Variants in THEMIS observed in about 807,000 individuals in gnomAD.
The protein encoded by THEMIS is protein THEMIS.
In THEMIS, 37 loss-of-function variants were observed where a neutral mutation model predicts 52.6. That is an observed-to-expected ratio of 0.70 (90% CI 0.54 to 0.93). The LOEUF is 0.93. THEMIS is among the 40% of genes least tolerant of loss of function. The pLI, the probability that THEMIS is intolerant of heterozygous loss-of-function variation, is 0.00. For synonymous variants in THEMIS, 292 were observed against 272.7 expected (o/e 1.07, Z -0.70); for missense variants, 808 against 763.1 (o/e 1.06, Z -0.69).
chr6:127,730,384 AAG>A (rs1301055303), intron 4 of THEMIS, among the ~76,000 whole-genome samples: 1 of 149,850 alleles, frequency 6.7e-6, no homozygotes, highest in Non-Finnish European at 1.5e-5. Flanking sequence ...GAGAAAGAGA[AAG>A]AAAGAAAAGG....
intron 4 of THEMIS, among the ~76,000 whole-genome samples, chr6:127,771,804 C>A (rs1286513746): frequency 6.6e-6 from 1 of 152,062 alleles, no homozygotes; most frequent in African/African-American, 2.4e-5. Flanking sequence ...TCCATAATTA[C>A]AAAGTTATTA....
chr6:127,712,917 G>A (rs913527603), intron 5 of THEMIS, among the ~76,000 whole-genome samples: 4 of 151,854 alleles, frequency 2.6e-5, no homozygotes, highest in Non-Finnish European at 5.9e-5. Flanking sequence ...ATGTCTAAAA[G>A]TAATTTACAT....
chr6:127,868,463 T>C, intron 1 of THEMIS: 1 of 985,378 alleles, frequency 1.0e-6, no homozygotes, highest in East Asian at 1.1e-4. Flanking sequence ...ACCTTCAAGA[T>C]CAGCATTTCC....
At chr6:127,909,652 T>C (rs747444093) in intron 1 of THEMIS, among the ~76,000 whole-genome samples, 7 of 152,082 alleles carry the variant, frequency 4.6e-5, no homozygotes, top group Non-Finnish European at 1.0e-4. Flanking sequence ...CAAAGCTTTG[T>C]AATATTAACA....
chr6:127,812,284 T>A (rs1338649697), intron 4 of THEMIS, among the ~76,000 whole-genome samples: 1 of 152,228 alleles, frequency 6.6e-6, no homozygotes, highest in Non-Finnish European at 1.5e-5. Flanking sequence ...AATGATTTCA[T>A]ACTGTCTCCA....
intron 4 of THEMIS, among the ~76,000 whole-genome samples, chr6:127,755,616 T>C (rs1245096520): frequency 6.6e-6 from 1 of 152,316 alleles, no homozygotes; most frequent in East Asian, 1.9e-4. Flanking sequence ...TCATTCTCCA[T>C]ACTTTAGCAA....
chr6:127,729,291 T>C (rs547698945), intron 4 of THEMIS, among the ~76,000 whole-genome samples: 1 of 152,172 alleles, frequency 6.6e-6, no homozygotes, highest in East Asian at 1.9e-4. Flanking sequence ...CATACATTCA[T>C]GTTACCTGGT....
intron 5 of THEMIS, among the ~76,000 whole-genome samples, chr6:127,714,389 C>T (rs1238608271): frequency 1.3e-5 from 2 of 151,756 alleles, no homozygotes; most frequent in Non-Finnish European, 2.9e-5. Context: ...AAAATTTTTA[C>T]ATGTCAAAAA....
At chr6:127,814,321 T>C (rs1562275878) in intron 3 of THEMIS, among the ~76,000 whole-genome samples, 1 of 152,210 alleles carries the variant, frequency 6.6e-6, no homozygotes, top group African/African-American at 2.4e-5. Context: ...TGAATATGTA[T>C]GTAAATGTGT....
chr6:127,796,000 A>T (rs1470695482), intron 4 of THEMIS, among the ~76,000 whole-genome samples: 1 of 152,350 alleles, frequency 6.6e-6, no homozygotes, highest in African/African-American at 2.4e-5. Flanking sequence ...AAATAGTTTG[A>T]TCCTCACTCC....
At chr6:127,893,384 T>C (rs1391881709) in intron 1 of THEMIS, among the ~76,000 whole-genome samples, 1 of 152,164 alleles carries the variant, frequency 6.6e-6, no homozygotes, top group Non-Finnish European at 1.5e-5. Flanking sequence ...CTAAATTCTT[T>C]ATATGCCATA....
At chr6:127,862,738 G>T (rs1221898366) in intron 1 of THEMIS, among the ~76,000 whole-genome samples, 1 of 151,654 alleles carries the variant, frequency 6.6e-6, no homozygotes, top group Non-Finnish European at 1.5e-5. Flanking sequence ...TGAATTCTAT[G>T]CATTCTACCT....
chr6:127,707,272 G>A (rs1179085780), downstream of THEMIS, among the ~76,000 whole-genome samples: 2 of 152,056 alleles, frequency 1.3e-5, no homozygotes, highest in African/African-American at 4.8e-5. Context: ...CATATCAAAT[G>A]GGAAGGTCAG....
intron 1 of THEMIS, among the ~76,000 whole-genome samples, chr6:127,910,933 A>T (rs1160914645): frequency 7.2e-5 from 11 of 152,076 alleles, no homozygotes; most frequent in African/African-American, 2.4e-4. Context: ...GTAGTTTCTC[A>T]GACATTCCTT....
chr6:127,862,706 C>T (rs1419745147), intron 1 of THEMIS, among the ~76,000 whole-genome samples: 1 of 151,908 alleles, frequency 6.6e-6, no homozygotes, highest in East Asian at 1.9e-4. Flanking sequence ...AGGTGTCAGC[C>T]ACCCCACCCA....
At chr6:127,855,544 C>CA (rs1779591402) in intron 1 of THEMIS, among the ~76,000 whole-genome samples, 1 of 151,760 alleles carries the variant, frequency 6.6e-6, no homozygotes, top group African/African-American at 2.4e-5. Context: ...TCATATGACT[C>CA]AAAAATGATC....
intron 1 of THEMIS, among the ~76,000 whole-genome samples, chr6:127,916,063 T>G (rs1303586358): frequency 1.3e-5 from 2 of 152,130 alleles, no homozygotes; most frequent in Non-Finnish European, 2.9e-5. Flanking sequence ...ACTTTCTATT[T>G]TTTGGGCAAT....
At chr6:127,914,047 G>A (rs1293801452) in intron 1 of THEMIS, among the ~76,000 whole-genome samples, 3 of 152,124 alleles carry the variant, frequency 2.0e-5, no homozygotes, top group Admixed American at 6.5e-5. Context: ...TGGGGCCCAA[G>A]TTTAAATACA....
chr6:127,890,434 G>C (rs1213255559), intron 1 of THEMIS, among the ~76,000 whole-genome samples: 1 of 152,096 alleles, frequency 6.6e-6, no homozygotes, highest in East Asian at 1.9e-4. Flanking sequence ...GGCTAGAAAG[G>C]GTAGCGGGGA....
Sources: gnomAD v4.1 joint callset for allele counts (sites outside exome capture counted in the v4.1 genomes callset) on GRCh38, gnomAD v4.1.1 for gene constraint, MANE v1.5 for transcripts, NCBI Gene and HGNC (gene_info 2026-07-23, HGNC 2026-07-21) for gene names.